DLGAP2: variants seen among roughly 807,000 people sequenced by gnomAD.
The protein encoded by DLGAP2 is disks large-associated protein 2.
DLGAP2 carries 26 observed loss-of-function variants against 100.3 expected under a neutral mutation model. That is an observed-to-expected ratio of 0.26 (90% CI 0.19 to 0.36). DLGAP2 has a LOEUF of 0.36. DLGAP2 is among the 10% of genes least tolerant of loss of function. The pLI, the probability that DLGAP2 is intolerant of heterozygous loss-of-function variation, is 1.00. For missense variants in DLGAP2, 1,858 were observed against 1,453.2 expected (o/e 1.28, Z -4.53); for synonymous variants, 886 against 630.1 (o/e 1.41, Z -6.08).
chr8:1,128,553 AC>A (rs1289386855), intron 2 of DLGAP2, among the ~76,000 whole-genome samples: 1 of 152,218 alleles, frequency 6.6e-6, no homozygotes, highest in Non-Finnish European at 1.5e-5. Flanking sequence ...AACAAGCTGC[AC>A]CACACAGCCT....
chr8:1,084,497 C>T (rs6982844), intron 2 of DLGAP2, among the ~76,000 whole-genome samples: 54,455 of 152,056 alleles, frequency 0.36, 10,065 homozygotes, highest in African/African-American at 0.41. Context: ...CCCTCCTGTC[C>T]GAGGCTTTGT....
intron 2 of DLGAP2, among the ~76,000 whole-genome samples, chr8:1,107,587 G>A (rs1226092679): frequency 2.0e-5 from 3 of 152,218 alleles, no homozygotes; most frequent in African/African-American, 7.2e-5. Context: ...AAACACGGAG[G>A]CAGCTGACTA....
At chr8:842,225 G>C (rs1445472373) in intron 1 of DLGAP2, among the ~76,000 whole-genome samples, 1 of 152,128 alleles carries the variant, frequency 6.6e-6, no homozygotes, top group Non-Finnish European at 1.5e-5. Flanking sequence ...TTGTTGTCTA[G>C]AACTTTCTTC....
chr8:1,571,047 A>AG (rs1194284112), intron 6 of DLGAP2, among the ~76,000 whole-genome samples: 4 of 62,342 alleles, frequency 6.4e-5, no homozygotes, highest in African/African-American at 1.8e-4. Flanking sequence ...GAGAGGAGAG[A>AG]GGTGAACTGT....
At chr8:1,477,136 C>G (rs984521774) in intron 3 of DLGAP2, among the ~76,000 whole-genome samples, 11 of 152,232 alleles carry the variant, frequency 7.2e-5, no homozygotes, top group African/African-American at 2.7e-4. Context: ...GCTTGACCCA[C>G]CTGCTGGGAA....
intron 3 of DLGAP2, among the ~76,000 whole-genome samples, chr8:1,486,510 A>G (rs561393932): frequency 1.4e-4 from 21 of 152,256 alleles, no homozygotes; most frequent in Admixed American, 9.8e-4. Context: ...AAGACCCCCT[A>G]TGGAAGGCTG....
intron 1 of DLGAP2, among the ~76,000 whole-genome samples, chr8:767,301 T>A (rs1419213484): frequency 6.6e-6 from 1 of 150,414 alleles, no homozygotes; most frequent in Non-Finnish European, 1.5e-5. Flanking sequence ...AGTTCAAGGA[T>A]GCCCAAAGGC....
intron 2 of DLGAP2, among the ~76,000 whole-genome samples, chr8:1,217,184 C>G (rs1478922210): frequency 5.9e-5 from 9 of 152,116 alleles, no homozygotes; most frequent in African/African-American, 2.2e-4. Context: ...GTGTTTAGCT[C>G]TCAATTATCA....
chr8:1,359,835 C>A (rs1057447196), intron 3 of DLGAP2, among the ~76,000 whole-genome samples: 2 of 152,328 alleles, frequency 1.3e-5, no homozygotes, highest in Middle Eastern at 3.4e-3. Flanking sequence ...TTCTGTCACT[C>A]TATAAGCCTT....
intron 6 of DLGAP2, chr8:1,604,735 C>T (rs776234333): frequency 7.9e-5 from 12 of 151,982 alleles, no homozygotes; most frequent in African/African-American, 2.4e-4. Flanking sequence ...CTTGTTGCTC[C>T]GACACCAGCC....
chr8:1,516,157 GTGAT>G (rs1055036833), intron 4 of DLGAP2, among the ~76,000 whole-genome samples: 4 of 151,924 alleles, frequency 2.6e-5, no homozygotes, highest in African/African-American at 7.3e-5. Context: ...GAGTGAGTGA[GTGAT>G]TGGATGAGTG....
At chr8:1,630,777 T>C (rs1249675509) in intron 7 of DLGAP2, among the ~76,000 whole-genome samples, 2 of 152,144 alleles carry the variant, frequency 1.3e-5, no homozygotes, top group African/African-American at 4.8e-5. Flanking sequence ...ATTAAAAATC[T>C]AACTGAAGTC....
intron 2 of DLGAP2, among the ~76,000 whole-genome samples, chr8:1,196,094 A>G (rs972382153): frequency 2.0e-5 from 3 of 152,236 alleles, no homozygotes; most frequent in African/African-American, 7.2e-5. Flanking sequence ...TAACTTAGGC[A>G]TCACCGATAT....
At chr8:1,315,679 G>A (rs563336075) in intron 3 of DLGAP2, among the ~76,000 whole-genome samples, 3 of 104,388 alleles carry the variant, frequency 2.9e-5, no homozygotes, top group African/African-American at 4.1e-5. Context: ...GTCTACACTC[G>A]AGAAACTCGG....
At chr8:783,560 G>A (rs960079100) in intron 1 of DLGAP2, among the ~76,000 whole-genome samples, 6 of 152,180 alleles carry the variant, frequency 3.9e-5, no homozygotes, top group Admixed American at 2.0e-4. Context: ...TGGCACATCA[G>A]GTTTCTTATA....
At chr8:1,243,542 AT>A (rs1798842751) in intron 2 of DLGAP2, among the ~76,000 whole-genome samples, 1 of 151,686 alleles carries the variant, frequency 6.6e-6, no homozygotes, top group South Asian at 2.1e-4. Context: ...GTTTCCTCTT[AT>A]TTTTTCTTCT....
intron 1 of DLGAP2, among the ~76,000 whole-genome samples, chr8:859,235 C>T (rs1181469900): frequency 6.6e-6 from 1 of 152,014 alleles, no homozygotes; most frequent in Non-Finnish European, 1.5e-5. Flanking sequence ...CCTCAGCCTC[C>T]CAAGTAGCTG....
chr8:1,601,640 T>C (rs540822642), intron 6 of DLGAP2, among the ~76,000 whole-genome samples: 1 of 152,226 alleles, frequency 6.6e-6, no homozygotes, highest in African/African-American at 2.4e-5. Context: ...TGACAGATGT[T>C]TGTCACATTG....
At chr8:844,831 C>T (rs13251233) in intron 1 of DLGAP2, among the ~76,000 whole-genome samples, 2 of 152,186 alleles carry the variant, frequency 1.3e-5, no homozygotes. Context: ...ATCCTCTCTT[C>T]CCCTGCCTCC....
Sources: gnomAD v4.1 joint callset for allele counts (sites outside exome capture counted in the v4.1 genomes callset) on GRCh38, gnomAD v4.1.1 for gene constraint, MANE v1.5 for transcripts, NCBI Gene and HGNC (gene_info 2026-07-23, HGNC 2026-07-21) for gene names.